The following MTMR8 variants were observed in gnomAD, a reference collection of about 807,000 sequenced individuals.
The protein encoded by MTMR8 is myotubularin related protein 8.
MTMR8 carries 65 observed loss-of-function variants against 39.3 expected under a neutral mutation model. That is an observed-to-expected ratio of 1.65 (90% CI 1.35 to 2.03). MTMR8 has a LOEUF of 2.03. Among genes scored for constraint, MTMR8 ranks in the 30% most tolerant of loss-of-function variants. The pLI is 0.00. For synonymous variants in MTMR8, 245 were observed against 185.2 expected (o/e 1.32, Z -2.62); for missense variants, 777 against 538.9 (o/e 1.44, Z -4.37).
chrX:64,270,951 T>C lies in MTMR8; in HGVS notation c.1604A>G (p.Glu535Gly), dbSNP rs1931746313. 2.5e-6 allele frequency: 3 copies of C among 1,209,234 alleles called. No homozygotes were observed. The highest frequency in any genetic ancestry group is 2.2e-5 in the Admixed American group (1 of 45,671). Reference sequence around the variant, plus strand: ...CTTTGGGACTTTTCTCCTCACCTTTTCTAGTTCATGCACATCTGTCTCCAG... The same window carrying C: ...CTTTGGGACTTTTCTCCTCACCTTTCCTAGTTCATGCACATCTGTCTCCAG... ...AMLETDVHEL[E>G]KKLKVRDEPP... Residue 535 changes from glutamate (E) to glycine (G), a missense_variant, in exon 13 of 14, where the codon GAA becomes GGA. By Grantham distance (98) the Glu-to-Gly change is moderately conservative. Transcript: ENST00000374852.
At chrX:64,391,388 C>T (rs1924686606) in intron 1 of MTMR8, among the ~76,000 whole-genome samples, 1 of 112,427 alleles carries the variant, frequency 8.9e-6, no homozygotes, top group Non-Finnish European at 1.9e-5. Flanking sequence ...ACACATAACA[C>T]TATTCTCTAG....
intron 12 of MTMR8, among the ~76,000 whole-genome samples, chrX:64,289,636 CAAAAAAA>C (rs749879321): frequency 1.9e-4 from 5 of 26,426 alleles, no homozygotes; most frequent in Non-Finnish European, 2.4e-4. Flanking sequence ...GACTCCATCG[CAAAAAAA>C]AAAAAAAAAA....
intron 12 of MTMR8, among the ~76,000 whole-genome samples, chrX:64,275,952 G>A (rs1931863638): frequency 9.0e-6 from 1 of 111,432 alleles, no homozygotes; most frequent in Admixed American, 9.5e-5. Context: ...TAGAGAAATT[G>A]AATCAGGAAT....
At chrX:64,368,801 C>T (rs1041702159) in intron 1 of MTMR8, among the ~76,000 whole-genome samples, 1 of 112,168 alleles carries the variant, frequency 8.9e-6, no homozygotes, top group Non-Finnish European at 1.9e-5. Flanking sequence ...GCAAAAGAAA[C>T]TACCATCAGA....
At chrX:64,299,640 C>T (rs1456597994) in intron 12 of MTMR8, among the ~76,000 whole-genome samples, 2 of 79,537 alleles carry the variant, frequency 2.5e-5, no homozygotes, top group Non-Finnish European at 2.4e-5. Flanking sequence ...TGTGTTTGCT[C>T]TTGCTTTTCT....
At chrX:64,279,201 A>G (rs72623455) in intron 12 of MTMR8, among the ~76,000 whole-genome samples, 2 of 111,991 alleles carry the variant, frequency 1.8e-5, no homozygotes, top group Non-Finnish European at 3.8e-5. Context: ...TTCTCAAATT[A>G]TTTCAAGAAA....
intron 8 of MTMR8, among the ~76,000 whole-genome samples, chrX:64,343,155 C>T (rs919113682): frequency 2.7e-5 from 3 of 111,567 alleles, no homozygotes; most frequent in African/African-American, 9.8e-5. Context: ...TCACACCCAC[C>T]CTTGTACTTA....
intron 12 of MTMR8, among the ~76,000 whole-genome samples, chrX:64,314,990 C>T (rs1433174994): frequency 9.0e-6 from 1 of 111,479 alleles, no homozygotes; most frequent in African/African-American, 3.3e-5. Context: ...TGGACAAGAC[C>T]ACCCTGCAGA....
At chrX:64,382,805 G>A (rs1001447820) in intron 1 of MTMR8, among the ~76,000 whole-genome samples, 2 of 111,303 alleles carry the variant, frequency 1.8e-5, no homozygotes, top group Admixed American at 9.6e-5. Flanking sequence ...ACAAATTTAG[G>A]CCAATGGCTC....
At chrX:64,342,293 C>G (rs1422203211) in intron 8 of MTMR8, among the ~76,000 whole-genome samples, 1 of 112,359 alleles carries the variant, frequency 8.9e-6, no homozygotes, top group Admixed American at 9.4e-5. Context: ...TTGAGAAACA[C>G]TTTTGAAGCA....
chrX:64,289,216 C>T (rs1377453862), intron 12 of MTMR8, among the ~76,000 whole-genome samples: 2 of 110,053 alleles, frequency 1.8e-5, no homozygotes, highest in Non-Finnish European at 3.8e-5. Context: ...GATATATCAC[C>T]TCACACCCAT....
At chrX:64,368,273 G>T (rs985479221) in intron 1 of MTMR8, among the ~76,000 whole-genome samples, 8 of 111,563 alleles carry the variant, frequency 7.2e-5, no homozygotes, top group African/African-American at 2.3e-4. Context: ...AAGTTCATAC[G>T]GAATCAAAAA....
At chrX:64,279,581 C>T (rs1602103975) in intron 12 of MTMR8, among the ~76,000 whole-genome samples, 1 of 112,116 alleles carries the variant, frequency 8.9e-6, no homozygotes, top group African/African-American at 3.2e-5. Flanking sequence ...AGATTTAATG[C>T]AGTTTCCATC....
intron 12 of MTMR8, chrX:64,305,285 T>C (rs1431681806): frequency 5.7e-6 from 1 of 174,602 alleles, no homozygotes; most frequent in Non-Finnish European, 1.1e-5. Flanking sequence ...TTTTTAGCCA[T>C]TTTTAATATA....
At chrX:64,319,641 C>T (rs1239140343) in intron 12 of MTMR8, among the ~76,000 whole-genome samples, 4 of 111,793 alleles carry the variant, frequency 3.6e-5, no homozygotes, top group Admixed American at 9.5e-5. Context: ...GTTTTCCCAG[C>T]ACCATTTATT....
intron 1 of MTMR8, among the ~76,000 whole-genome samples, chrX:64,368,443 G>A (rs1438614559): frequency 9.0e-6 from 1 of 111,405 alleles, no homozygotes; most frequent in Non-Finnish European, 1.9e-5. Flanking sequence ...AGAGGCCTCA[G>A]GAATAACACC....
At chrX:64,292,674 T>C (rs957083797) in intron 12 of MTMR8, among the ~76,000 whole-genome samples, 1 of 110,693 alleles carries the variant, frequency 9.0e-6, no homozygotes, top group African/African-American at 3.3e-5. Flanking sequence ...GAGCAGAAAA[T>C]GCATCATCTT....
chrX:64,332,227 G>T (rs1030653334), intron 10 of MTMR8, among the ~76,000 whole-genome samples: 2 of 111,790 alleles, frequency 1.8e-5, no homozygotes, highest in Non-Finnish European at 3.8e-5. Flanking sequence ...GCACAAAATA[G>T]GTATTAAAGA....
At chrX:64,290,465 G>A (rs1016471401) in intron 12 of MTMR8, among the ~76,000 whole-genome samples, 1 of 110,181 alleles carries the variant, frequency 9.1e-6, no homozygotes, top group Admixed American at 9.7e-5. Context: ...AAATAATAGC[G>A]TTCCCATGGA....
Sources: gnomAD v4.1 joint callset for allele counts (sites outside exome capture counted in the v4.1 genomes callset) on GRCh38, gnomAD v4.1.1 for gene constraint, MANE v1.5 for transcripts, NCBI Gene and HGNC (gene_info 2026-07-23, HGNC 2026-07-21) for gene names.